The following ZPBP variants were observed in gnomAD, a reference collection of about 807,000 sequenced individuals.
ZPBP encodes the protein zona pellucida-binding protein 1.
Under a neutral mutation model 44.8 loss-of-function variants are expected in ZPBP, and 26 were observed. The ratio of observed to expected loss-of-function variants is 0.58; its 90% CI spans 0.43 to 0.81. The LOEUF is 0.81. Among genes scored for constraint, ZPBP ranks in the 30% least tolerant of loss-of-function variants. The pLI is 0.00. For missense variants in ZPBP, 409 were observed against 434.0 expected (o/e 0.94, Z 0.51); for synonymous variants, 174 against 153.2 (o/e 1.14, Z -1.00).
intron 2 of ZPBP, among the ~76,000 whole-genome samples, chr7:49,862,587 T>C (rs770368218): frequency 2.6e-5 from 4 of 152,130 alleles, no homozygotes; most frequent in Non-Finnish European, 4.4e-5. Flanking sequence ...GAGTAAAATG[T>C]TAGCTGTAGG....
At chr7:49,981,444 ATT>A (rs1278402278) in intron 7 of ZPBP, among the ~76,000 whole-genome samples, 1 of 50,970 alleles carries the variant, frequency 2.0e-5, no homozygotes, top group African/African-American at 1.1e-4. Flanking sequence ...TATAATATAT[ATT>A]ATGTACATAT....
chr7:49,887,114 C>T (rs796311060), intron 2 of ZPBP, among the ~76,000 whole-genome samples: 12 of 152,252 alleles, frequency 7.9e-5, no homozygotes, highest in Middle Eastern at 3.4e-3. Flanking sequence ...AATCCTTTAT[C>T]GACAAGGGTT....
intron 1 of ZPBP, among the ~76,000 whole-genome samples, chr7:49,924,154 TAATAAC>T (rs1046810672): frequency 6.0e-5 from 9 of 149,694 alleles, no homozygotes; most frequent in Non-Finnish European, 7.4e-5. Flanking sequence ...ATAATAATAA[TAATAAC>T]AACGTTATAA....
At chr7:49,976,545 G>A (rs547409415) in intron 7 of ZPBP, among the ~76,000 whole-genome samples, 10 of 152,108 alleles carry the variant, frequency 6.6e-5, no homozygotes, top group Non-Finnish European at 1.5e-4. Flanking sequence ...AGGGAGCTAT[G>A]CTGCCTCTTG....
chr7:50,091,671 C>G (rs1802999090), intron 1 of ZPBP, among the ~76,000 whole-genome samples: 1 of 152,162 alleles, frequency 6.6e-6, no homozygotes, highest in Admixed American at 6.5e-5. Context: ...TATCAAGAAT[C>G]AGTATCAAAC....
intron 3 of ZPBP, among the ~76,000 whole-genome samples, chr7:50,080,057 C>A (rs1018021233): frequency 8.6e-5 from 13 of 151,638 alleles, no homozygotes; most frequent in Non-Finnish European, 1.5e-4. Flanking sequence ...CAAGTAATCA[C>A]ATAATTACAT....
chr7:50,016,597 C>T (rs1374082168), intron 6 of ZPBP, among the ~76,000 whole-genome samples: 2 of 152,124 alleles, frequency 1.3e-5, no homozygotes, highest in Admixed American at 6.6e-5. Context: ...AAACAATTAT[C>T]ACCTTGAGCC....
the ZPBP span, among the ~76,000 whole-genome samples, chr7:49,841,565 A>G: frequency 1.3e-5 from 2 of 152,228 alleles, no homozygotes; most frequent in Non-Finnish European, 2.9e-5. Flanking sequence ...AAATCGCCAG[A>G]TATAGCAGAT....
chr7:49,853,545 T>C (rs1047756764), intron 2 of ZPBP, among the ~76,000 whole-genome samples: 1 of 152,002 alleles, frequency 6.6e-6, no homozygotes, highest in African/African-American at 2.4e-5. Context: ...TTTTTTTTTC[T>C]TTATCACGGT....
intron 7 of ZPBP, among the ~76,000 whole-genome samples, chr7:49,953,200 C>T (rs1015322820): frequency 1.3e-5 from 2 of 152,032 alleles, no homozygotes; most frequent in African/African-American, 4.8e-5. Context: ...CAGAGAAGAC[C>T]AACACTGCTG....
chr7:49,955,776 A>G (rs571320593), intron 7 of ZPBP, among the ~76,000 whole-genome samples: 2 of 152,308 alleles, frequency 1.3e-5, no homozygotes, highest in Admixed American at 6.5e-5. Flanking sequence ...TAGATGAATA[A>G]TATCAGGAAT....
intron 1 of ZPBP, among the ~76,000 whole-genome samples, chr7:49,908,516 T>C (rs1431814925): frequency 6.6e-6 from 1 of 152,166 alleles, no homozygotes; most frequent in Non-Finnish European, 1.5e-5. Context: ...AGGAAAATTT[T>C]TGAATTATAA....
At position 50,084,573 on chromosome 7, in the gene ZPBP, T is replaced by G. The variant is rs111946271; in HGVS notation, c.209-2674A>C. On this transcript the variant is annotated intron_variant, in intron 2 of 7. Coordinates refer to ENST00000046087, the MANE Select transcript of ZPBP (RefSeq NM_007009.3). ...CCAACACAGACAGATGCCAAGACCT[T>G]ACATGACAGAAGAAATGGTGGGCAC... Among the ~76,000 whole-genome samples the G allele has an allele frequency of 9.5e-3, 1,451 of 152,026 alleles. 16 individuals are homozygous for G. Among genetic ancestry groups the G allele is most frequent in the African/African-American group, 0.027 (1,136 of 41,490 alleles).
chr7:49,844,245 T>C, the ZPBP span, among the ~76,000 whole-genome samples: 1 of 152,242 alleles, frequency 6.6e-6, no homozygotes, highest in Non-Finnish European at 1.5e-5. Flanking sequence ...TTATGATGAC[T>C]GGCTGAGTCC....
intron 7 of ZPBP, among the ~76,000 whole-genome samples, chr7:49,948,344 C>T (rs772714304): frequency 5.9e-5 from 9 of 152,094 alleles, no homozygotes; most frequent in African/African-American, 1.7e-4. Context: ...ATTTCTTTTA[C>T]GTGATACCAA....
At chr7:50,033,042 T>C (rs1799672211) in intron 4 of ZPBP, among the ~76,000 whole-genome samples, 1 of 152,160 alleles carries the variant, frequency 6.6e-6, no homozygotes, top group African/African-American at 2.4e-5. Flanking sequence ...TAAAATTATT[T>C]TTATCACTTT....
chr7:50,027,620 G>T (rs1562855274), intron 5 of ZPBP, among the ~76,000 whole-genome samples: 1 of 151,638 alleles, frequency 6.6e-6, no homozygotes. Flanking sequence ...ATAATAAAGA[G>T]TAGAAAAGAT....
intron 7 of ZPBP, chr7:49,944,395 G>A (rs1026622638): frequency 1.5e-5 from 3 of 195,702 alleles, no homozygotes; most frequent in South Asian, 9.8e-5. Flanking sequence ...TGCTGGCATC[G>A]AAGAGGTTGA....
At chr7:50,087,833 A>G (rs192274947) in intron 2 of ZPBP, among the ~76,000 whole-genome samples, 3 of 152,160 alleles carry the variant, frequency 2.0e-5, no homozygotes, top group Admixed American at 2.0e-4. Context: ...GAAAGACTTA[A>G]TATTGTTAAG....
Sources: gnomAD v4.1 joint callset for allele counts (sites outside exome capture counted in the v4.1 genomes callset) on GRCh38, gnomAD v4.1.1 for gene constraint, MANE v1.5 for transcripts, NCBI Gene and HGNC (gene_info 2026-07-23, HGNC 2026-07-21) for gene names.